ST8SIA5: variants seen among roughly 807,000 people sequenced by gnomAD.
The protein encoded by ST8SIA5 is alpha-2,8-sialyltransferase 8E.
A neutral mutation model predicts 40.2 loss-of-function variants in ST8SIA5; 24 were observed. The observed-to-expected ratio is 0.60, with a 90% confidence interval of 0.43 to 0.84. The LOEUF (loss-of-function observed/expected upper bound fraction) is 0.84. ST8SIA5 is among the 40% of genes least tolerant of loss of function. ST8SIA5 has a pLI of 0.00. For synonymous variants in ST8SIA5, 198 were observed against 201.8 expected (o/e 0.98, Z 0.16); for missense variants, 465 against 498.5 (o/e 0.93, Z 0.64).
At chr18:46,725,128 G>A (rs970421293) in intron 1 of ST8SIA5, among the ~76,000 whole-genome samples, 30 of 152,130 alleles carry the variant, frequency 2.0e-4, no homozygotes, top group African/African-American at 7.0e-4. Context: ...GCTTAGAGAG[G>A]TTTAGTAGCT....
Position 46,756,541 on chromosome 18 carries a change from G to C in ST8SIA5, c.-33C>G, listed in dbSNP as rs752467629. 1.9e-6 allele frequency: 3 copies of C among 1,608,906 alleles called. No homozygotes were observed. Among genetic ancestry groups the C allele is most frequent in the South Asian group, 1.1e-5 (1 of 90,592 alleles). ...ACCGGGCGCCGCGGGCGCGGGGTAC[G>C]GGGCGGCCAGGCAATGACTCGCGGG... On this transcript the variant is annotated 5_prime_UTR_variant, in exon 1 of 7. Transcript: ENST00000315087.
intron 2 of ST8SIA5, among the ~76,000 whole-genome samples, chr18:46,693,358 T>G (rs979938320): frequency 4.6e-5 from 7 of 152,142 alleles, no homozygotes; most frequent in Non-Finnish European, 4.4e-5. Flanking sequence ...TCTTTCTCCC[T>G]TCTCAAGGGT....
intron 2 of ST8SIA5, among the ~76,000 whole-genome samples, chr18:46,694,233 T>A (rs2039534312): frequency 6.6e-6 from 1 of 152,190 alleles, no homozygotes; most frequent in South Asian, 2.1e-4. Flanking sequence ...ATCTTTTTTT[T>A]TGTTTGTTTT....
rs1290212888 is a variant in ST8SIA5, at chr18:46,750,025, G to T, written c.131+6353C>A. Among the ~76,000 whole-genome samples the T allele has an allele frequency of 5.3e-5, 8 of 152,212 alleles. 1 individual carries two copies. The East Asian group carries it at 1.2e-3, about 22-fold the overall frequency. ...TGATCTTGAACTTTCAGCCTCTTGA[G>T]CAGGAGAAACAAACATTTGTTGCTT... On this transcript the variant is annotated intron_variant, in intron 1 of 6. Coordinates refer to ENST00000315087, the MANE Select transcript of ST8SIA5 (RefSeq NM_013305.6).
chr18:46,739,548 C>G (rs1285691625), intron 1 of ST8SIA5, among the ~76,000 whole-genome samples: 1 of 152,132 alleles, frequency 6.6e-6, no homozygotes, highest in Non-Finnish European at 1.5e-5. Context: ...AAAATAGATC[C>G]TTGGCTGACA....
intron 1 of ST8SIA5, among the ~76,000 whole-genome samples, chr18:46,716,071 CTG>C (rs2039785791): frequency 7.0e-6 from 1 of 142,036 alleles, no homozygotes; most frequent in Non-Finnish European, 1.6e-5. Flanking sequence ...AGTGCTGGGA[CTG>C]TGGAGTCACA....
At chr18:46,711,271 G>T (rs2039729746) in intron 1 of ST8SIA5, among the ~76,000 whole-genome samples, 1 of 152,156 alleles carries the variant, frequency 6.6e-6, no homozygotes, top group Admixed American at 6.5e-5. Context: ...AACTGTCCAT[G>T]ACAGCCTGAT....
At chr18:46,699,762 A>G (rs2039593396) in intron 2 of ST8SIA5, among the ~76,000 whole-genome samples, 1 of 152,200 alleles carries the variant, frequency 6.6e-6, no homozygotes, top group Non-Finnish European at 1.5e-5. Context: ...TTAACACATG[A>G]GTACTGAGCT....
intron 1 of ST8SIA5, among the ~76,000 whole-genome samples, chr18:46,744,896 T>C (rs2040124091): frequency 1.3e-5 from 2 of 152,162 alleles, no homozygotes; most frequent in African/African-American, 2.4e-5. Flanking sequence ...AAATTAGAAC[T>C]CAGGATTAAG....
chr18:46,709,040 C>T (rs1372220247), intron 1 of ST8SIA5, among the ~76,000 whole-genome samples: 1 of 152,168 alleles, frequency 6.6e-6, no homozygotes, highest in Admixed American at 6.5e-5. Flanking sequence ...TCTATCCTAC[C>T]TGGGCTCTGC....
chr18:46,742,275 A>G (rs2040094371), intron 1 of ST8SIA5, among the ~76,000 whole-genome samples: 1 of 152,112 alleles, frequency 6.6e-6, no homozygotes, highest in Admixed American at 6.5e-5. Flanking sequence ...TAATCATACC[A>G]TATACAAAAA....
intron 1 of ST8SIA5, among the ~76,000 whole-genome samples, chr18:46,739,496 T>C (rs1382986877): frequency 6.6e-6 from 1 of 152,200 alleles, no homozygotes; most frequent in Non-Finnish European, 1.5e-5. Flanking sequence ...ATAGCGCCAC[T>C]GCACTCCAGC....
intron 1 of ST8SIA5, among the ~76,000 whole-genome samples, chr18:46,750,702 T>A (rs572718885): frequency 6.6e-6 from 1 of 152,204 alleles, no homozygotes; most frequent in South Asian, 2.1e-4. Flanking sequence ...CCTTAACACC[T>A]CCCTCTCCTC....
intron 1 of ST8SIA5, among the ~76,000 whole-genome samples, chr18:46,734,040 A>G (rs966267943): frequency 6.6e-6 from 1 of 151,844 alleles, no homozygotes; most frequent in Non-Finnish European, 1.5e-5. Flanking sequence ...GCCCTCCACC[A>G]TCCCCAGGTC....
At position 46,725,973 on chromosome 18, in the gene ST8SIA5, ATATATATATATATATATAT is replaced by A. The variant is rs1383546032; in HGVS notation, c.132-21328_132-21310del. On this transcript the variant is annotated intron_variant, in intron 1 of 6. Coordinates refer to ENST00000315087, the MANE Select transcript of ST8SIA5 (RefSeq NM_013305.6). ...CCATCTCTACTTAAAAAAAAAAAAA[ATATATATATATATATATAT>A]ATATATATATATATATATCCTGGAT... Among the ~76,000 whole-genome samples the A allele has an allele frequency of 1.5e-3, 38 of 25,088 alleles. 2 individuals are homozygous for A. Among genetic ancestry groups the A allele is most frequent in the Non-Finnish European group, 2.4e-3 (32 of 13,534 alleles). 16.5% of individuals were successfully genotyped at this position (25,088 alleles called of 152,430 possible).
chr18:46,739,321 C>T (rs1027940765), intron 1 of ST8SIA5, among the ~76,000 whole-genome samples: 1 of 152,120 alleles, frequency 6.6e-6, no homozygotes, highest in Non-Finnish European at 1.5e-5. Flanking sequence ...GCGGGTGGAT[C>T]ACCTGAGGTC....
At chr18:46,714,803 G>A (rs570396258) in intron 1 of ST8SIA5, among the ~76,000 whole-genome samples, 1 of 152,326 alleles carries the variant, frequency 6.6e-6, no homozygotes, top group Non-Finnish European at 1.5e-5. Context: ...CACCCCCAGA[G>A]TTGGGTTAAT....
chr18:46,729,060 C>T (rs945574666), intron 1 of ST8SIA5, among the ~76,000 whole-genome samples: 2 of 152,168 alleles, frequency 1.3e-5, no homozygotes, highest in Non-Finnish European at 2.9e-5. Flanking sequence ...AATCATCCTG[C>T]GCCCCACCTG....
intron 1 of ST8SIA5, among the ~76,000 whole-genome samples, chr18:46,729,547 G>A (rs2039965921): frequency 1.3e-5 from 2 of 152,284 alleles, no homozygotes; most frequent in African/African-American, 4.8e-5. Context: ...CAGGCAAAGG[G>A]ACTGCAGCCA....
Sources: gnomAD v4.1 joint callset for allele counts (sites outside exome capture counted in the v4.1 genomes callset) on GRCh38, gnomAD v4.1.1 for gene constraint, MANE v1.5 for transcripts, NCBI Gene and HGNC (gene_info 2026-07-23, HGNC 2026-07-21) for gene names.